The following PTPRD variants were observed in gnomAD, a reference collection of about 807,000 sequenced individuals.
PTPRD encodes the protein receptor-type tyrosine-protein phosphatase delta.
In PTPRD, 34 loss-of-function variants were observed where a neutral mutation model predicts 214.5. That is an observed-to-expected ratio of 0.16 (90% CI 0.12 to 0.21). The LOEUF is 0.21. Ranked by LOEUF, PTPRD falls within the 10% of genes least tolerant of loss-of-function variation. The pLI is 1.00. For synonymous variants in PTPRD, 1,128 were observed against 845.7 expected (o/e 1.33, Z -5.79); for missense variants, 2,545 against 2,398.7 (o/e 1.06, Z -1.27).
chr9:8,635,972 G>A (rs569966491), intron 13 of PTPRD, among the ~76,000 whole-genome samples: 4 of 152,244 alleles, frequency 2.6e-5, no homozygotes, highest in Admixed American at 1.3e-4. Context: ...GCTGCACTGA[G>A]CTCTCCTGAA....
At chr9:10,211,605 G>T (rs904235625) in intron 3 of PTPRD, among the ~76,000 whole-genome samples, 2 of 152,154 alleles carry the variant, frequency 1.3e-5, no homozygotes, top group Non-Finnish European at 2.9e-5. Flanking sequence ...ACTCGTTAAA[G>T]ATACAATGAG....
At chr9:8,581,913 CAAAAAAA>C (rs36007156) in intron 14 of PTPRD, among the ~76,000 whole-genome samples, 414 of 34,924 alleles carry the variant, frequency 0.012, 3 homozygotes, top group African/African-American at 0.029. Flanking sequence ...ACTCAATCTC[CAAAAAAA>C]AAAAAAAAAA....
chr9:9,504,410 T>C (rs768494580), intron 8 of PTPRD, among the ~76,000 whole-genome samples: 1 of 151,676 alleles, frequency 6.6e-6, no homozygotes, highest in African/African-American at 2.4e-5. Context: ...CCGCAAATTA[T>C]ACAACCCTTG....
chr9:9,162,451 A>C (rs1260258944), intron 10 of PTPRD, among the ~76,000 whole-genome samples: 1 of 152,138 alleles, frequency 6.6e-6, no homozygotes, highest in Non-Finnish European at 1.5e-5. Context: ...TCACTGCCCA[A>C]GTAACAACCA....
At chr9:10,150,768 T>A (rs931823291) in intron 3 of PTPRD, among the ~76,000 whole-genome samples, 1 of 151,762 alleles carries the variant, frequency 6.6e-6, no homozygotes, top group Non-Finnish European at 1.5e-5. Flanking sequence ...AGTACAAGGT[T>A]TTAATTAGAA....
intron 7 of PTPRD, among the ~76,000 whole-genome samples, chr9:9,629,280 T>C (rs1484419300): frequency 6.8e-6 from 1 of 147,148 alleles, no homozygotes; most frequent in Non-Finnish European, 1.5e-5. Context: ...TATGTATGTA[T>C]ATATGTGTAT....
At chr9:10,071,113 G>C (rs2098003389) in intron 3 of PTPRD, among the ~76,000 whole-genome samples, 2 of 151,998 alleles carry the variant, frequency 1.3e-5, no homozygotes, top group Admixed American at 6.6e-5. Context: ...AGAAATCAAA[G>C]AAAATCTAAA....
intron 8 of PTPRD, among the ~76,000 whole-genome samples, chr9:9,568,084 G>C (rs115683211): frequency 0.012 from 1,873 of 151,672 alleles, 40 homozygotes; most frequent in African/African-American, 0.042. Context: ...AAGAACATAG[G>C]TCCCTGATTA....
chr9:9,978,198 A>T (rs1490104512), intron 4 of PTPRD, among the ~76,000 whole-genome samples: 1 of 152,132 alleles, frequency 6.6e-6, no homozygotes, highest in Non-Finnish European at 1.5e-5. Context: ...GAGTGAAAAG[A>T]GATAAGATAA....
At chr9:9,155,183 C>T (rs925485188) in intron 10 of PTPRD, among the ~76,000 whole-genome samples, 3 of 152,090 alleles carry the variant, frequency 2.0e-5, no homozygotes, top group African/African-American at 7.2e-5. Context: ...TCTTTTGATT[C>T]TAGAAGTGGG....
At chr9:9,684,398 A>G (rs1458640989) in intron 7 of PTPRD, among the ~76,000 whole-genome samples, 1 of 151,658 alleles carries the variant, frequency 6.6e-6, no homozygotes, top group African/African-American at 2.4e-5. Context: ...TTTGAACAAC[A>G]GATGTTAATT....
At chr9:9,154,386 G>C (rs1172474699) in intron 10 of PTPRD, among the ~76,000 whole-genome samples, 1 of 151,592 alleles carries the variant, frequency 6.6e-6, no homozygotes, top group South Asian at 2.1e-4. Flanking sequence ...GTTGCTGAAA[G>C]GGTTTGGTTC....
At chr9:9,607,134 T>C (rs1184401760) in intron 7 of PTPRD, among the ~76,000 whole-genome samples, 1 of 152,012 alleles carries the variant, frequency 6.6e-6, no homozygotes, top group Non-Finnish European at 1.5e-5. Context: ...ATGCAATGAG[T>C]TATTTATTTA....
chr9:8,397,734 G>A (rs1473299746), intron 36 of PTPRD, among the ~76,000 whole-genome samples: 2 of 152,082 alleles, frequency 1.3e-5, no homozygotes, highest in African/African-American at 4.8e-5. Flanking sequence ...GTAGTTTCTT[G>A]TCTTTATTTA....
intron 12 of PTPRD, among the ~76,000 whole-genome samples, chr9:8,665,019 A>C (rs2097142829): frequency 6.6e-6 from 1 of 152,200 alleles, no homozygotes; most frequent in South Asian, 2.1e-4. Context: ...GAACACTAAA[A>C]TCTATCAGAG....
At chr9:10,073,697 G>T (rs1258225894) in intron 3 of PTPRD, among the ~76,000 whole-genome samples, 1 of 151,922 alleles carries the variant, frequency 6.6e-6, no homozygotes, top group South Asian at 2.1e-4. Context: ...AGCATGCATT[G>T]GACAATGACT....
At chr9:9,688,391 G>C (rs912653095) in intron 7 of PTPRD, among the ~76,000 whole-genome samples, 1 of 151,916 alleles carries the variant, frequency 6.6e-6, no homozygotes. Flanking sequence ...AGGAAGACAA[G>C]AATAGAATTT....
intron 2 of PTPRD, among the ~76,000 whole-genome samples, chr9:10,387,820 C>CTT (rs58959929): frequency 0.055 from 4,572 of 82,476 alleles, 286 homozygotes; most frequent in African/African-American, 0.099. Flanking sequence ...AAGATTTTGT[C>CTT]TTTTTTTTTT....
intron 7 of PTPRD, among the ~76,000 whole-genome samples, chr9:9,607,768 T>C (rs2094260946): frequency 6.6e-6 from 1 of 151,388 alleles, no homozygotes; most frequent in Non-Finnish European, 1.5e-5. Context: ...AAAAATTCAT[T>C]GGCAGACGTT....
Sources: allele counts gnomAD v4.1 joint callset (sites outside exome capture counted in the v4.1 genomes callset), GRCh38; gene constraint gnomAD v4.1.1; transcripts MANE v1.5; gene names NCBI Gene and HGNC (gene_info 2026-07-23, HGNC 2026-07-21).